The following NPAS3 variants were observed in gnomAD, a reference collection of about 807,000 sequenced individuals.
NPAS3 encodes neuronal PAS domain protein 3.
A neutral mutation model predicts 73.1 loss-of-function variants in NPAS3; 14 were observed. That is an observed-to-expected ratio of 0.19 (90% CI 0.13 to 0.30). NPAS3 has a LOEUF of 0.30. Among genes scored for constraint, NPAS3 ranks in the 10% least tolerant of loss-of-function variants. The probability of loss-of-function intolerance (pLI) is 1.00; values close to 1 mark genes in which losing one functional copy is unlikely to be tolerated. For synonymous variants in NPAS3, 620 were observed against 541.5 expected (o/e 1.14, Z -2.01); for missense variants, 1,096 against 1,250.0 (o/e 0.88, Z 1.86).
At chr14:33,675,660 A>G (rs1385784717) in intron 5 of NPAS3, among the ~76,000 whole-genome samples, 19 of 152,206 alleles carry the variant, frequency 1.2e-4, no homozygotes, top group Admixed American at 1.2e-3. Flanking sequence ...TTTAATGAAA[A>G]CATTATGCCT....
chr14:33,295,182 G>A (rs1416475317), intron 3 of NPAS3, among the ~76,000 whole-genome samples: 4 of 152,134 alleles, frequency 2.6e-5, no homozygotes, highest in African/African-American at 7.2e-5. Flanking sequence ...TTATTATAGT[G>A]TGTAGCACAA....
At chr14:33,711,985 A>G (rs1026157382) in intron 6 of NPAS3, among the ~76,000 whole-genome samples, 15 of 152,124 alleles carry the variant, frequency 9.9e-5, no homozygotes, top group Non-Finnish European at 2.1e-4. Context: ...CACTGTGCTG[A>G]CCCACTTCGA....
At chr14:33,399,562 C>A (rs563865747) in intron 4 of NPAS3, among the ~76,000 whole-genome samples, 6 of 152,008 alleles carry the variant, frequency 3.9e-5, no homozygotes, top group Non-Finnish European at 7.4e-5. Context: ...CCACTGCATG[C>A]CACAAGGAAG....
intron 5 of NPAS3, among the ~76,000 whole-genome samples, chr14:33,618,842 A>G (rs1186434428): frequency 6.6e-6 from 1 of 152,218 alleles, no homozygotes; most frequent in Non-Finnish European, 1.5e-5. Flanking sequence ...TTGAATTAGC[A>G]ATCAAACAAA....
intron 3 of NPAS3, among the ~76,000 whole-genome samples, chr14:33,283,722 G>C (rs1196787292): frequency 6.6e-6 from 1 of 152,164 alleles, no homozygotes; most frequent in Non-Finnish European, 1.5e-5. Flanking sequence ...GTATTTAGGG[G>C]AATCAGACAA....
intron 3 of NPAS3, among the ~76,000 whole-genome samples, chr14:33,247,667 A>G (rs930862022): frequency 1.3e-5 from 2 of 152,248 alleles, no homozygotes; most frequent in African/African-American, 4.8e-5. Context: ...ATAAAAAGTC[A>G]TATTCAGATT....
In NPAS3 at chr14:33,544,808, A is replaced by ATGTG. The variant is rs1566989663; in HGVS notation, c.469-15312_469-15311insGTGT. On this transcript the variant is annotated intron_variant, in intron 4 of 11. Transcript: ENST00000356141. ...GTGTATTATATATATATATATATAT[A>ATGTG]TATGTATATATAATATATATGTGTA... 9.2e-4 allele frequency among the ~76,000 whole-genome samples: 82 copies of ATGTG among 89,518 alleles called. 3 individuals are homozygous for ATGTG. The highest frequency in any genetic ancestry group is 5.2e-3 in the African/African-American group (78 of 14,910). The allele number at this position is 89,518 out of a possible 152,430, so 58.7% of individuals were successfully genotyped here.
chr14:33,760,189 G>A (rs1302560520), intron 7 of NPAS3, among the ~76,000 whole-genome samples: 1 of 152,106 alleles, frequency 6.6e-6, no homozygotes, highest in Non-Finnish European at 1.5e-5. Flanking sequence ...AACAAGTGCT[G>A]TCAAGTCGAC....
At chr14:32,957,582 C>T (rs2036729309) in intron 1 of NPAS3, among the ~76,000 whole-genome samples, 1 of 152,016 alleles carries the variant, frequency 6.6e-6, no homozygotes, top group African/African-American at 2.4e-5. Context: ...CTGTGTTAGC[C>T]AGGATGGTCT....
intron 4 of NPAS3, among the ~76,000 whole-genome samples, chr14:33,410,040 T>A (rs550567517): frequency 1.3e-5 from 2 of 152,288 alleles, no homozygotes; most frequent in Admixed American, 1.3e-4. Flanking sequence ...TCATGTTGAG[T>A]TGATTTTTTT....
At chr14:32,952,907 T>C (rs2036536803) in intron 1 of NPAS3, among the ~76,000 whole-genome samples, 1 of 151,574 alleles carries the variant, frequency 6.6e-6, no homozygotes, top group African/African-American at 2.4e-5. Context: ...ACCATGTTTC[T>C]ACAAAAAAAT....
intron 5 of NPAS3, among the ~76,000 whole-genome samples, chr14:33,643,574 G>C (rs1355485502): frequency 6.6e-6 from 1 of 152,062 alleles, no homozygotes; most frequent in Non-Finnish European, 1.5e-5. Flanking sequence ...TTTGGTCTTT[G>C]CTGTCACTGG....
rs149704541 is a variant in NPAS3, at chr14:33,713,621, A to T, written c.734-21593A>T. 1.2e-4 allele frequency among the ~76,000 whole-genome samples: 18 copies of T among 152,284 alleles called. No homozygotes were observed. In the East Asian group the frequency reaches 3.5e-3, roughly 29 times the overall value. ...AGCTGTTGCTTCGAGATACATCTTGAATCTGACCTCATCTCACTATTGTCA... is the reference window on the plus strand; with the variant it reads ...AGCTGTTGCTTCGAGATACATCTTGTATCTGACCTCATCTCACTATTGTCA... On this transcript the variant is annotated intron_variant, in intron 6 of 11. Transcript: ENST00000356141.
intron 2 of NPAS3, among the ~76,000 whole-genome samples, chr14:33,159,903 A>T (rs534113369): frequency 6.6e-6 from 1 of 152,088 alleles, no homozygotes; most frequent in Non-Finnish European, 1.5e-5. Context: ...CGTAAGAAAA[A>T]TTTTTTACAT....
intron 3 of NPAS3, among the ~76,000 whole-genome samples, chr14:33,308,531 T>TACACACACACAC (rs550021518): frequency 1.1e-4 from 13 of 115,916 alleles, no homozygotes; most frequent in African/African-American, 3.2e-4. Flanking sequence ...TATATATACA[T>TACACACACACAC]ACACACACAC....
intron 4 of NPAS3, among the ~76,000 whole-genome samples, chr14:33,410,281 A>G (rs1263800916): frequency 6.6e-6 from 1 of 152,146 alleles, no homozygotes; most frequent in Non-Finnish European, 1.5e-5. Context: ...ATGGAATGCA[A>G]TACATTTAGC....
chr14:33,100,179 C>A (rs1245639791), intron 2 of NPAS3, among the ~76,000 whole-genome samples: 1 of 147,454 alleles, frequency 6.8e-6, no homozygotes, highest in Non-Finnish European at 1.5e-5. Context: ...TTATAAGCAA[C>A]CTCTATCTAG....
chr14:33,049,159 G>T (rs529502492), intron 1 of NPAS3, among the ~76,000 whole-genome samples: 107 of 152,194 alleles, frequency 7.0e-4, no homozygotes, highest in Non-Finnish European at 1.4e-3. Flanking sequence ...GAATAACAAA[G>T]ATAATTTTCA....
intron 5 of NPAS3, among the ~76,000 whole-genome samples, chr14:33,654,823 C>G (rs1005118733): frequency 1.3e-5 from 2 of 152,116 alleles, no homozygotes; most frequent in Non-Finnish European, 2.9e-5. Flanking sequence ...GAGTGGATGC[C>G]AGGTGTATCT....
Sources: gnomAD v4.1 joint callset for allele counts (sites outside exome capture counted in the v4.1 genomes callset) on GRCh38, gnomAD v4.1.1 for gene constraint, MANE v1.5 for transcripts, NCBI Gene and HGNC (gene_info 2026-07-23, HGNC 2026-07-21) for gene names.